The following DOCK3 variants were observed in gnomAD, a reference collection of about 807,000 sequenced individuals.
DOCK3 encodes dedicator of cytokinesis protein 3.
In DOCK3, 60 loss-of-function variants were observed where a neutral mutation model predicts 265.6. The ratio of observed to expected loss-of-function variants is 0.23; its 90% CI spans 0.18 to 0.28. DOCK3 has a LOEUF of 0.28. Ranked by LOEUF, DOCK3 falls within the 10% of genes least tolerant of loss-of-function variation. DOCK3 has a pLI of 1.00. For synonymous variants in DOCK3, 881 were observed against 938.0 expected, an observed-to-expected ratio of 0.94 and a Z score of 1.11; for missense variants, 1,981 against 2,594.3, an observed-to-expected ratio of 0.76 and a Z score of 5.14.
chr3:50,863,929 C>T (rs2047026923), intron 3 of DOCK3, among the ~76,000 whole-genome samples: 1 of 152,140 alleles, frequency 6.6e-6, no homozygotes, highest in South Asian at 2.1e-4. Context: ...CGTAGGTGTG[C>T]AGCTCTATCG....
In DOCK3 at chr3:50,963,559, G is replaced by A. The variant is rs992141947; in HGVS notation, c.315+29482G>A. Among the ~76,000 whole-genome samples, 7 of 152,072 alleles carry A rather than the reference G, an allele frequency of 4.6e-5. No individual in the cohort carries two copies. The South Asian group carries it at 6.2e-4, about 13-fold the overall frequency. Reference sequence around the variant, plus strand: ...AATATAGACTTCTGCTTCTGCCCACGATAAAGTCAATGGGACTGTATATAC... The same window carrying A: ...AATATAGACTTCTGCTTCTGCCCACAATAAAGTCAATGGGACTGTATATAC... On this transcript the variant is annotated intron_variant, in intron 5 of 52. Transcript: ENST00000266037.
intron 2 of DOCK3, among the ~76,000 whole-genome samples, chr3:50,798,091 C>T (rs574860850): frequency 6.6e-6 from 1 of 152,076 alleles, no homozygotes; most frequent in South Asian, 2.1e-4. Flanking sequence ...GGCAGTTAAG[C>T]GATAGCTGTT....
chr3:50,987,065 A>G (rs563700829), intron 5 of DOCK3, among the ~76,000 whole-genome samples: 1 of 152,266 alleles, frequency 6.6e-6, no homozygotes, highest in South Asian at 2.1e-4. Context: ...TTTAACAAAG[A>G]TAGTTTCTTA....
chr3:50,908,169 T>G (rs1190540876), intron 4 of DOCK3, among the ~76,000 whole-genome samples: 2 of 149,512 alleles, frequency 1.3e-5, no homozygotes, highest in Non-Finnish European at 2.9e-5. Flanking sequence ...ATCTTCCAGA[T>G]TCATTGATTT....
Position 51,356,920 on chromosome 3 carries a change from A to T in DOCK3, c.4504-42A>T, listed in dbSNP as rs370473604. The T allele has an allele frequency of 5.2e-5, 82 of 1,569,434 alleles. No individual in the cohort carries two copies. In the African/African-American group the frequency reaches 1.0e-3, roughly 20 times the overall value. ...GCTCTCAGGAAGATGATGAGGGGTT[A>T]TCATCATTTCTGGGATGACTCTGTG... On this transcript the variant is annotated intron_variant, in intron 43 of 52. Transcript: ENST00000266037.
chr3:51,250,774 CAGTT>C (rs1272005313), intron 22 of DOCK3, among the ~76,000 whole-genome samples: 9 of 152,166 alleles, frequency 5.9e-5, no homozygotes, highest in Admixed American at 2.0e-4. Flanking sequence ...TCAGTGTTAA[CAGTT>C]AGGGAGTGAG....
chr3:50,934,796 T>G (rs1346087620), intron 5 of DOCK3, among the ~76,000 whole-genome samples: 1 of 151,966 alleles, frequency 6.6e-6, no homozygotes, highest in Admixed American at 6.5e-5. Context: ...CTCAGGAAAC[T>G]TAGAAAGTAG....
chr3:50,976,652 A>G (rs919481664), intron 5 of DOCK3, among the ~76,000 whole-genome samples: 1 of 151,988 alleles, frequency 6.6e-6, no homozygotes, highest in Non-Finnish European at 1.5e-5. Context: ...CTAGATGTCT[A>G]TTAGGTCTGC....
intron 3 of DOCK3, among the ~76,000 whole-genome samples, chr3:50,848,739 C>T (rs1575348034): frequency 2.0e-5 from 3 of 152,098 alleles, no homozygotes; most frequent in African/African-American, 4.8e-5. Context: ...TTAGCATTGA[C>T]CTTGTTCAGT....
intron 2 of DOCK3, among the ~76,000 whole-genome samples, chr3:50,803,709 A>G (rs1162772268): frequency 2.1e-5 from 3 of 145,922 alleles, no homozygotes; most frequent in Admixed American, 2.0e-4. Context: ...GCTGCCCCCC[A>G]CCTCCCTCCC....
At chr3:51,180,207 C>CAAAAAAA (rs769429969) in intron 12 of DOCK3, among the ~76,000 whole-genome samples, 1 of 111,244 alleles carries the variant, frequency 9.0e-6, no homozygotes, top group Non-Finnish European at 1.8e-5. Context: ...GACCCTGTCT[C>CAAAAAAA]AAAAAAAAAA....
rs2078510478 is a variant in DOCK3 at position 51,239,569 on chromosome 3, TG to T, written c.2102+1980del. 1.5e-4 allele frequency among the ~76,000 whole-genome samples: 22 copies of T among 144,458 alleles called. No individual in the cohort carries two copies. The South Asian group carries it at 4.6e-3, about 30-fold the overall frequency. The allele number at this position is 144,458 out of a possible 152,430, so 94.8% of individuals were successfully genotyped here. On this transcript the variant is annotated intron_variant, in intron 21 of 52. Coordinates refer to ENST00000266037, the MANE Select transcript of DOCK3 (RefSeq NM_004947.5). ...TCTGGTCCTGGGTTTTTTTTTTGTT[TG>T]TTTGTTTTTTGTTTTTTTTGTTTTT...
chr3:50,909,124 G>A (rs2107900251), intron 4 of DOCK3, among the ~76,000 whole-genome samples: 1 of 151,638 alleles, frequency 6.6e-6, no homozygotes, highest in South Asian at 2.1e-4. Flanking sequence ...ACGTGAGATG[G>A]GTCTCCTGAA....
chr3:51,203,058 A>G (rs1330009022), intron 12 of DOCK3, among the ~76,000 whole-genome samples: 1 of 152,204 alleles, frequency 6.6e-6, no homozygotes, highest in Non-Finnish European at 1.5e-5. Context: ...CACAGCCAAT[A>G]TCATATTGAA....
chr3:51,330,770 T>C (rs910627292), intron 33 of DOCK3, among the ~76,000 whole-genome samples: 11 of 152,142 alleles, frequency 7.2e-5, no homozygotes, highest in African/African-American at 2.4e-4. Flanking sequence ...CTGGCTTGAG[T>C]TGATGGAGGC....
intron 4 of DOCK3, among the ~76,000 whole-genome samples, chr3:50,919,595 G>T (rs2050322534): frequency 6.6e-6 from 1 of 152,112 alleles, no homozygotes; most frequent in South Asian, 2.1e-4. Flanking sequence ...TTTGTACATT[G>T]ATTTTGTATC....
intron 7 of DOCK3, among the ~76,000 whole-genome samples, chr3:51,086,640 A>G (rs1316149687): frequency 6.6e-6 from 1 of 152,150 alleles, no homozygotes; most frequent in Non-Finnish European, 1.5e-5. Context: ...TCTACTAAAA[A>G]TACAAAAATT....
At chr3:51,216,530 T>C (rs1293989659) in intron 14 of DOCK3, among the ~76,000 whole-genome samples, 1 of 152,202 alleles carries the variant, frequency 6.6e-6, no homozygotes, top group Non-Finnish European at 1.5e-5. Flanking sequence ...TAGCCGAAAG[T>C]AAGGACTGGT....
In DOCK3 at chr3:50,675,453, TGCGGGTGCGGGTGCGGGGGTGGGC is replaced by T. The variant is rs2033874709; in HGVS notation, c.37+160_37+183del. ...AGCGCGGGGTGGGGGCAGGTGCGGG[TGCGGGTGCGGGTGCGGGGGTGGGC>T]GCGGGTCTCTGTGCAGAGAGGGCGG... On this transcript the variant is annotated intron_variant, in intron 1 of 52. Transcript: ENST00000266037. The surrounding 1 kb of genome is among the most constrained non-coding windows in gnomAD (Gnocchi z 6.1). Among the ~76,000 whole-genome samples, 1 of 149,978 alleles carries T rather than the reference TGCGGGTGCGGGTGCGGGGGTGGGC, an allele frequency of 6.7e-6. No homozygotes were observed. The highest frequency in any genetic ancestry group is 2.4e-5 in the African/African-American group (1 of 40,860).
Sources: allele counts gnomAD v4.1 joint callset (sites outside exome capture counted in the v4.1 genomes callset), GRCh38; gene constraint gnomAD v4.1.1; non-coding constraint Gnocchi (gnomAD v3.1); transcripts MANE v1.5; gene names NCBI Gene and HGNC (gene_info 2026-07-23, HGNC 2026-07-21).